The following FOXP2 variants were observed in gnomAD, a reference collection of about 807,000 sequenced individuals.
The protein encoded by FOXP2 is forkhead box protein P2.
A neutral mutation model predicts 115.8 loss-of-function variants in FOXP2; 12 were observed. The ratio of observed to expected loss-of-function variants is 0.10; its 90% CI spans 0.07 to 0.17. The LOEUF (loss-of-function observed/expected upper bound fraction) is 0.17, where lower values mean the gene tolerates loss of function less well. Ranked by LOEUF, FOXP2 falls within the 10% of genes least tolerant of loss-of-function variation. FOXP2 has a pLI of 1.00. For synonymous variants in FOXP2, 328 were observed against 297.7 expected (o/e 1.10, Z -1.05); for missense variants, 629 against 843.5 (o/e 0.75, Z 3.15).
At chr7:114,642,797 TATATATA>T (rs1375189037) in intron 7 of FOXP2, among the ~76,000 whole-genome samples, 174 bp downstream of exon 7, 1,027 of 40,810 alleles carry the variant, frequency 0.025, 60 homozygotes, top group Admixed American at 0.13. Context: ...TATATATATA[TATATATA>T]TATATATATT....
chr7:114,344,008 TC>T (rs35565353), intron 2 of FOXP2, among the ~76,000 whole-genome samples: 86,843 of 151,370 alleles, frequency 0.57, 25,616 homozygotes, highest in East Asian at 0.84. Context: ...ACTATCTCCC[TC>T]CTCTAGAATA....
chr7:114,527,559 T>G (rs988914483), intron 2 of FOXP2, among the ~76,000 whole-genome samples: 1 of 152,134 alleles, frequency 6.6e-6, no homozygotes, highest in Non-Finnish European at 1.5e-5. Flanking sequence ...TGTCTTACTT[T>G]TGGAAATCTG....
chr7:114,177,230 C>G (rs1275243778), intron 1 of FOXP2, among the ~76,000 whole-genome samples: 1 of 152,088 alleles, frequency 6.6e-6, no homozygotes. Context: ...TATCAGGTAT[C>G]TATAGCATAG....
intron 6 of FOXP2, among the ~76,000 whole-genome samples, chr7:114,640,691 A>G (rs2129332046): frequency 6.6e-6 from 1 of 152,184 alleles, no homozygotes; most frequent in African/African-American, 2.4e-5. Context: ...TTCACCCCAC[A>G]CATCTCTTAC....
rs1160547366 is a variant in FOXP2 at position 114,690,692 on chromosome 7, C to G, written c.*766C>G. ...TAGATCTTACAACTGTACTCTTTACCTCCTTGTGATAAAGCTTTGTCTACC... is the reference window on the plus strand; with the variant it reads ...TAGATCTTACAACTGTACTCTTTACGTCCTTGTGATAAAGCTTTGTCTACC... On this transcript the variant is annotated 3_prime_UTR_variant, in exon 17 of 17. Transcript: ENST00000350908. The G allele has an allele frequency of 2.2e-6, 1 of 454,456 alleles. No individual in the cohort carries two copies. 28.2% of individuals were successfully genotyped at this position (454,456 alleles called of 1,614,324 possible).
In FOXP2 at chr7:114,691,929, CAAAAAAAAAAAAAGAAAAAA is replaced by C. The variant is rs1808686986; in HGVS notation, c.*2011_*2030del. 1 of 166,750 alleles carries C rather than the reference CAAAAAAAAAAAAAGAAAAAA, an allele frequency of 6.0e-6. No individual in the cohort carries two copies. The highest frequency in any genetic ancestry group is 5.6e-5 in the African/African-American group (1 of 17,718). 10.3% of individuals were successfully genotyped at this position (166,750 alleles called of 1,614,324 possible). ...GGCTTTCTGAAAGCTTCTACCTCTG[CAAAAAAAAAAAAAGAAAAAA>C]AAAAAAAGAAAAACATTAGAACAAT... On this transcript the variant is annotated 3_prime_UTR_variant, in exon 17 of 17. Transcript: ENST00000350908.
At chr7:114,400,673 C>A (rs993692741) in intron 2 of FOXP2, among the ~76,000 whole-genome samples, 8 of 152,118 alleles carry the variant, frequency 5.3e-5, no homozygotes, top group Non-Finnish European at 1.0e-4. Flanking sequence ...GCATTAAATT[C>A]TCAGAAGGAG....
Position 114,693,680 on chromosome 7 carries a change from G to A in FOXP2, c.*3754G>A. The A allele has an allele frequency of 2.7e-6, 1 of 373,850 alleles. No homozygotes were observed. The highest frequency in any genetic ancestry group is 5.3e-6 in the Non-Finnish European group (1 of 189,806). The allele number at this position is 373,850 out of a possible 1,614,324, so 23.2% of individuals were successfully genotyped here. A position where few individuals can be genotyped will look rare whatever the true frequency, so the allele number is the denominator to read the frequency against. On this transcript the variant is annotated 3_prime_UTR_variant, in exon 17 of 17. Transcript: ENST00000350908. ...GTATGAACAGTGTGTCACTGCTGTT[G>A]GATGTAAAAATGTATATGAAACCAT...
Position 114,398,069 on chromosome 7 carries a change from G to A in FOXP2, c.-10-28433G>A, listed in dbSNP as rs754154745. ...GAGAAGACAAAAGAGAAGACAAAGA[G>A]AAGGAGTTATAATGGATATAGACCT... On this transcript the variant is annotated intron_variant, in intron 2 of 17. Coordinates refer to the FOXP2 transcript ENST00000634411. 4.6e-4 allele frequency among the ~76,000 whole-genome samples: 70 copies of A among 152,074 alleles called. 1 individual carries two copies. The highest frequency in any genetic ancestry group is 1.5e-4 in the Non-Finnish European group (10 of 68,012).
At chr7:114,492,525 TC>T (rs1797114220) in intron 2 of FOXP2, among the ~76,000 whole-genome samples, 1 of 152,210 alleles carries the variant, frequency 6.6e-6, no homozygotes, top group African/African-American at 2.4e-5. Flanking sequence ...TTTATATCTT[TC>T]CTGCTTTCTC....
intron 1 of FOXP2, among the ~76,000 whole-genome samples, chr7:114,260,995 A>G (rs1795735397): frequency 6.6e-6 from 1 of 152,184 alleles, no homozygotes; most frequent in Non-Finnish European, 1.5e-5. Flanking sequence ...TCTGTATAAG[A>G]TTACTGTCTC....
chr7:114,215,104 GTAT>G (rs1367687009), intron 1 of FOXP2, among the ~76,000 whole-genome samples: 1 of 152,064 alleles, frequency 6.6e-6, no homozygotes, highest in Non-Finnish European at 1.5e-5. Flanking sequence ...TAAGGACTAA[GTAT>G]TATTATTAAT....
At position 114,641,732 on chromosome 7, in the gene FOXP2, T is replaced by C. The variant is rs576165050; in HGVS notation, c.776-678T>C. 2.6e-5 allele frequency among the ~76,000 whole-genome samples: 4 copies of C among 152,098 alleles called. No homozygotes were observed. In the South Asian group the frequency reaches 6.2e-4, roughly 24 times the overall value. On this transcript the variant is annotated intron_variant, in intron 6 of 16. Coordinates refer to ENST00000350908, the MANE Select transcript of FOXP2 (RefSeq NM_014491.4). ...TAAAAACAAACCTTAATACTAGCAA[T>C]AGGTAAAAACTACTCTTAAAAGTTG... is the stretch of plus-strand genomic sequence containing the variant.
intron 2 of FOXP2, among the ~76,000 whole-genome samples, chr7:114,466,362 A>G (rs555800717): frequency 3.3e-5 from 5 of 152,326 alleles, no homozygotes; most frequent in African/African-American, 1.2e-4. Context: ...CTATGGCACA[A>G]CAGCATTCCA....
At chr7:114,634,576 C>T (rs1252583608) in intron 6 of FOXP2, among the ~76,000 whole-genome samples, 1 of 151,708 alleles carries the variant, frequency 6.6e-6, no homozygotes, top group African/African-American at 2.4e-5. Context: ...ACTTCCATCT[C>T]CTAAGTATAT....
intron 2 of FOXP2, among the ~76,000 whole-genome samples, chr7:114,385,344 G>A (rs1005676737): frequency 7.2e-5 from 11 of 152,106 alleles, no homozygotes; most frequent in East Asian, 1.9e-4. Context: ...AGAATTTTGC[G>A]GCTACGCTTT....
At chr7:114,200,621 G>A (rs1394846565) in intron 1 of FOXP2, among the ~76,000 whole-genome samples, 3 of 152,246 alleles carry the variant, frequency 2.0e-5, no homozygotes, top group African/African-American at 7.2e-5. Context: ...TTTCTGTTGG[G>A]TAGTACAAAA....
intron 2 of FOXP2, among the ~76,000 whole-genome samples, chr7:114,500,686 G>A (rs1797531005): frequency 6.6e-6 from 1 of 152,162 alleles, no homozygotes; most frequent in Non-Finnish European, 1.5e-5. Context: ...AAGTAATACA[G>A]CTCTTTAGTG....
intron 2 of FOXP2, among the ~76,000 whole-genome samples, chr7:114,387,159 T>A (rs1370824513): frequency 6.6e-6 from 1 of 152,232 alleles, no homozygotes; most frequent in Admixed American, 6.5e-5. Context: ...TTCTTCCAAG[T>A]TCTATTCATT....
Sources: gnomAD v4.1 joint callset for allele counts (sites outside exome capture counted in the v4.1 genomes callset) on GRCh38, gnomAD v4.1.1 for gene constraint, MANE v1.5 for transcripts, NCBI Gene and HGNC (gene_info 2026-07-23, HGNC 2026-07-21) for gene names.